FGF14: variants seen among roughly 807,000 people sequenced by gnomAD.
FGF14 encodes fibroblast growth factor 14, also known as fibroblast growth factor homologous factor 4.
FGF14 carries 5 observed loss-of-function variants against 25.5 expected under a neutral mutation model. That is an observed-to-expected ratio of 0.20 (90% CI 0.10 to 0.41). The LOEUF is 0.41. Among genes scored for constraint, FGF14 ranks in the 10% least tolerant of loss-of-function variants. The probability of loss-of-function intolerance (pLI) is 1.00; values close to 1 mark genes in which losing one functional copy is unlikely to be tolerated. For synonymous variants in FGF14, 138 were observed against 118.3 expected, an observed-to-expected ratio of 1.17 and a Z score of -1.08; for missense variants, 222 against 320.1, an observed-to-expected ratio of 0.69 and a Z score of 2.34.
rs116633556 is a variant in FGF14 at position 101,899,889 on chromosome 13, C to G, written c.193+16564G>C. ...GTAAATTAAAAAATAAAAATTTGAA[C>G]TACAAAATCAGTAGACTTAATGTAA... On this transcript the variant is annotated intron_variant, in intron 1 of 4. Transcript: ENST00000376143. 8.4e-3 allele frequency among the ~76,000 whole-genome samples: 1,271 copies of G among 152,098 alleles called. 14 individuals carry two copies. Among genetic ancestry groups the G allele is most frequent in the African/African-American group, 0.028 (1,177 of 41,562 alleles).
intron 1 of FGF14, among the ~76,000 whole-genome samples, chr13:102,054,301 T>C (rs2042337867): frequency 6.6e-6 from 1 of 151,656 alleles, no homozygotes; most frequent in South Asian, 2.1e-4. Flanking sequence ...AAAATCAATA[T>C]ATTTAGAGGA....
intron 1 of FGF14, among the ~76,000 whole-genome samples, chr13:102,048,523 G>A (rs543345757): frequency 1.6e-4 from 25 of 152,262 alleles, no homozygotes; most frequent in African/African-American, 5.5e-4. Context: ...GAAGTTCAGT[G>A]ACTTGCCCGC....
At chr13:102,146,549 C>T (rs866084415) in intron 1 of FGF14, among the ~76,000 whole-genome samples, 10 of 152,130 alleles carry the variant, frequency 6.6e-5, no homozygotes, top group African/African-American at 2.4e-4. Context: ...AGCTAGAAGA[C>T]ACTCTTTTCC....
chr13:102,197,682 T>C (rs1252875283), intron 1 of FGF14, among the ~76,000 whole-genome samples: 1 of 151,998 alleles, frequency 6.6e-6, no homozygotes, highest in Non-Finnish European at 1.5e-5. Context: ...ATATCTTTTA[T>C]ATGTAATTAT....
intron 1 of FGF14, among the ~76,000 whole-genome samples, chr13:102,153,033 A>G (rs1486361656): frequency 6.6e-6 from 1 of 152,182 alleles, no homozygotes; most frequent in African/African-American, 2.4e-5. Context: ...TGGGAGCTGC[A>G]AGGCTGCTGC....
chr13:101,734,993 C>T (rs989022715), intron 3 of FGF14, among the ~76,000 whole-genome samples: 13 of 152,216 alleles, frequency 8.5e-5, no homozygotes, highest in African/African-American at 3.1e-4. Flanking sequence ...GCAGCATTCT[C>T]TTACTTTGAA....
At chr13:101,769,058 C>T (rs1326799048) in intron 3 of FGF14, among the ~76,000 whole-genome samples, 1 of 151,710 alleles carries the variant, frequency 6.6e-6, no homozygotes, top group Non-Finnish European at 1.5e-5. Flanking sequence ...GTTTTTTTTG[C>T]AATAGAAATA....
chr13:101,822,416 G>C (rs1162950671), intron 3 of FGF14, among the ~76,000 whole-genome samples: 5 of 151,544 alleles, frequency 3.3e-5, no homozygotes, highest in Admixed American at 3.3e-4. Flanking sequence ...AGATCTGTTA[G>C]TGTGAGTACT....
chr13:101,963,227 G>A (rs762702824), intron 1 of FGF14, among the ~76,000 whole-genome samples: 7 of 152,142 alleles, frequency 4.6e-5, no homozygotes, highest in Non-Finnish European at 1.0e-4. Flanking sequence ...CGATTGCTTC[G>A]TGTTTTCACA....
At chr13:101,816,780 T>C (rs1437619043) in intron 3 of FGF14, among the ~76,000 whole-genome samples, 2 of 152,198 alleles carry the variant, frequency 1.3e-5, no homozygotes, top group Non-Finnish European at 2.9e-5. Context: ...TCATAATATT[T>C]ATTTTTATCA....
chr13:102,326,754 AGAGGGAGG>A (rs1566939240), intron 1 of FGF14, among the ~76,000 whole-genome samples: 1 of 76,824 alleles, frequency 1.3e-5, no homozygotes, highest in African/African-American at 5.4e-5. Context: ...AAGGAAGGAA[AGAGGGAGG>A]GAAGGAAGGA....
chr13:101,735,933 T>C (rs1342934188), intron 3 of FGF14, among the ~76,000 whole-genome samples: 1 of 152,168 alleles, frequency 6.6e-6, no homozygotes, highest in Non-Finnish European at 1.5e-5. Context: ...TGTAACAAAA[T>C]CAAGAGAAAG....
At chr13:101,740,071 T>A (rs2139774468) in intron 3 of FGF14, among the ~76,000 whole-genome samples, 1 of 152,320 alleles carries the variant, frequency 6.6e-6, no homozygotes, top group East Asian at 1.9e-4. Flanking sequence ...ATCCCCTAGA[T>A]TGCTCAATCA....
At chr13:102,090,254 G>A (rs1188166908) in intron 1 of FGF14, among the ~76,000 whole-genome samples, 2 of 152,118 alleles carry the variant, frequency 1.3e-5, no homozygotes, top group African/African-American at 4.8e-5. Context: ...TCAAGTAATC[G>A]ATGGCAATTA....
chr13:102,376,760 T>C (rs2058050275), intron 1 of FGF14, among the ~76,000 whole-genome samples: 1 of 152,234 alleles, frequency 6.6e-6, no homozygotes. Flanking sequence ...AAATCAATTA[T>C]TTAATTAGTT....
At position 102,273,954 on chromosome 13, in the gene FGF14, A is replaced by G. The variant is rs2053379655; in HGVS notation, c.208+127517T>C. Among the ~76,000 whole-genome samples, 2 of 151,788 alleles carry G rather than the reference A, an allele frequency of 1.3e-5. 1 individual carries two copies. The highest frequency in any genetic ancestry group is 4.8e-5 in the African/African-American group (2 of 41,332). On this transcript the variant is annotated intron_variant, in intron 1 of 4. Coordinates refer to the FGF14 transcript ENST00000376131. ...AGCAAGACCCTGTCTCAAAAAAAAA[A>G]AAAAGGAAGAAAGAAGTCTCAAAAA... is the stretch of plus-strand genomic sequence containing the variant.
intron 1 of FGF14, among the ~76,000 whole-genome samples, chr13:102,014,784 T>G (rs751858267): frequency 1.3e-5 from 2 of 152,204 alleles, no homozygotes; most frequent in Non-Finnish European, 2.9e-5. Flanking sequence ...TATTTTTTTA[T>G]ATTAATCGCC....
At chr13:101,967,591 T>C (rs1594856944) in intron 1 of FGF14, 1 of 152,670 alleles carries the variant, frequency 6.6e-6, no homozygotes, top group African/African-American at 2.4e-5. Flanking sequence ...TGTTTTTAAA[T>C]GTTCTCCTCT....
chr13:102,330,404 G>A (rs544914306), intron 1 of FGF14, among the ~76,000 whole-genome samples: 26 of 151,888 alleles, frequency 1.7e-4, no homozygotes, highest in African/African-American at 5.3e-4. Flanking sequence ...CAAGAACATT[G>A]CTATAGCAAT....
Sources: gnomAD v4.1 joint callset for allele counts (sites outside exome capture counted in the v4.1 genomes callset) on GRCh38, gnomAD v4.1.1 for gene constraint, MANE v1.5 for transcripts, NCBI Gene and HGNC (gene_info 2026-07-23, HGNC 2026-07-21) for gene names.